Variants in NCAPG2 observed in about 807,000 individuals in gnomAD.
NCAPG2 encodes the protein non-SMC condensin II complex subunit G2.
NCAPG2 carries 53 observed loss-of-function variants against 141.1 expected under a neutral mutation model. The ratio of observed to expected loss-of-function variants is 0.38; its 90% CI spans 0.30 to 0.47. The LOEUF (loss-of-function observed/expected upper bound fraction) is 0.47. Ranked by LOEUF, NCAPG2 falls within the 20% of genes least tolerant of loss-of-function variation. The pLI, the probability that NCAPG2 is intolerant of heterozygous loss-of-function variation, is 0.99. For missense variants in NCAPG2, 1,087 were observed against 1,389.0 expected (o/e 0.78, Z 3.46); for synonymous variants, 499 against 490.7 (o/e 1.02, Z -0.22).
At chr7:158,639,148 C>T (rs1830474420) in intron 27 of NCAPG2, among the ~76,000 whole-genome samples, 1 of 151,964 alleles carries the variant, frequency 6.6e-6, no homozygotes, top group Non-Finnish European at 1.5e-5. Flanking sequence ...CACTCTGTCA[C>T]CCAGGCTGGA....
At chr7:158,648,887 GCAAATGGACTATAACCACGC>G (rs1419632879) in intron 24 of NCAPG2, among the ~76,000 whole-genome samples, 10,233 of 47,658 alleles carry the variant, frequency 0.21, 2,044 homozygotes, top group East Asian at 0.38. Context: ...TATAACCACG[GCAAATGGACTATAACCACGC>G]CAAATGGACT....
intron 13 of NCAPG2, among the ~76,000 whole-genome samples, chr7:158,666,366 C>G (rs562588357): frequency 5.6e-4 from 85 of 152,168 alleles, no homozygotes; most frequent in African/African-American, 2.0e-3. Flanking sequence ...AGCGGGCCTG[C>G]AGGTGACAGT....
At chr7:158,666,910 A>T (rs147920501) in intron 13 of NCAPG2, among the ~76,000 whole-genome samples, 1,787 of 152,272 alleles carry the variant, frequency 0.012, 15 homozygotes, top group Middle Eastern at 0.031. Context: ...CAATCCTTCT[A>T]GAGCTGCATG....
chr7:158,653,523 C>T (rs1192764360), intron 22 of NCAPG2, among the ~76,000 whole-genome samples: 1 of 152,028 alleles, frequency 6.6e-6, no homozygotes, highest in Non-Finnish European at 1.5e-5. Flanking sequence ...AGACACTGCC[C>T]AGTATCCTGG....
At chr7:158,670,190 CTT>C (rs1293529014) in intron 13 of NCAPG2, among the ~76,000 whole-genome samples, 1 of 152,196 alleles carries the variant, frequency 6.6e-6, no homozygotes. Context: ...TCAAAATATC[CTT>C]TGTTTTCTTC....
At chr7:158,701,216 T>C (rs534077601) in intron 2 of NCAPG2, among the ~76,000 whole-genome samples, 23 of 152,338 alleles carry the variant, frequency 1.5e-4, no homozygotes, top group Admixed American at 6.5e-5. Context: ...CAGCTTCCCA[T>C]TTCCAGTTCC....
chr7:158,687,617 C>G (rs191860214), intron 6 of NCAPG2, among the ~76,000 whole-genome samples, 175 bp from the exon 7 acceptor site: 27 of 152,322 alleles, frequency 1.8e-4, no homozygotes, highest in South Asian at 6.2e-4. Flanking sequence ...CCTGCACAGC[C>G]AGGAGCCACA....
At chr7:158,647,006 C>CA (rs750034102) in intron 24 of NCAPG2, among the ~76,000 whole-genome samples, 7 of 145,728 alleles carry the variant, frequency 4.8e-5, no homozygotes, top group Non-Finnish European at 7.5e-5. Context: ...GCCTGGGTGA[C>CA]AGAGCGACAT....
chr7:158,695,598 G>T (rs1835394117), intron 2 of NCAPG2, among the ~76,000 whole-genome samples: 1 of 152,238 alleles, frequency 6.6e-6, no homozygotes, highest in Non-Finnish European at 1.5e-5. Flanking sequence ...GGGCACTGAA[G>T]AGCTGGCTGG....
intron 22 of NCAPG2, 32 bp downstream of exon 22, chr7:158,654,563 T>C: frequency 6.2e-7 from 1 of 1,601,088 alleles, no homozygotes; most frequent in Non-Finnish European, 8.5e-7. Context: ...TGGTTCTGAG[T>C]ATTTATTGCT....
chr7:158,686,547 T>A (rs1038082436), intron 7 of NCAPG2, among the ~76,000 whole-genome samples: 13 of 152,198 alleles, frequency 8.5e-5, no homozygotes, highest in Non-Finnish European at 1.6e-4. Flanking sequence ...GTCAAAAATA[T>A]TTAAATATAA....
At chr7:158,644,699 G>A (rs2129457328) in intron 26 of NCAPG2, among the ~76,000 whole-genome samples, 1 of 152,332 alleles carries the variant, frequency 6.6e-6, no homozygotes, top group African/African-American at 2.4e-5. Flanking sequence ...ATCGCAGGTA[G>A]TTAAGGATGT....
At chr7:158,680,876 A>G (rs1834412583) in intron 9 of NCAPG2, 60 bp from the exon 10 acceptor site, 1 of 1,298,166 alleles carries the variant, frequency 7.7e-7, no homozygotes. Flanking sequence ...ATAAAATAAA[A>G]TGGCATTTGG....
chr7:158,656,930 A>G (rs1259397225), intron 17 of NCAPG2, among the ~76,000 whole-genome samples: 1 of 152,222 alleles, frequency 6.6e-6, no homozygotes, highest in Non-Finnish European at 1.5e-5. Flanking sequence ...ACACTGAAGA[A>G]GCAGGGCACA....
chr7:158,677,520 T>C (rs1044481200), intron 11 of NCAPG2, among the ~76,000 whole-genome samples: 1 of 9,054 alleles, frequency 1.1e-4, no homozygotes, highest in African/African-American at 6.6e-4. Context: ...ATGATAAAAA[T>C]AAAGCAAAAA....
intron 13 of NCAPG2, among the ~76,000 whole-genome samples, chr7:158,669,489 G>A (rs931334701): frequency 2.0e-5 from 3 of 151,980 alleles, no homozygotes; most frequent in Non-Finnish European, 2.9e-5. Flanking sequence ...TTGGCCGGGC[G>A]CAGTGGCTCA....
At chr7:158,674,280 AAAAAAAAATTTTTTTT>A (rs1833922576) in intron 12 of NCAPG2, among the ~76,000 whole-genome samples, 1 of 70,086 alleles carries the variant, frequency 1.4e-5, no homozygotes, top group South Asian at 6.7e-4. Flanking sequence ...ATGCACAGAA[AAAAAAAAATTTTTTTT>A]TTTTTTTTGA....
intron 13 of NCAPG2, chr7:158,667,115 G>T: frequency 1.0e-6 from 1 of 982,000 alleles, no homozygotes. Flanking sequence ...AGGGAAATTA[G>T]CTTGCATGCT....
chr7:158,635,277 T>C (rs984208117), intron 27 of NCAPG2, among the ~76,000 whole-genome samples: 3 of 152,130 alleles, frequency 2.0e-5, no homozygotes, highest in Non-Finnish European at 2.9e-5. Flanking sequence ...AAAAAGACTG[T>C]TAAAATTAAA....
Sources: allele counts gnomAD v4.1 joint callset (sites outside exome capture counted in the v4.1 genomes callset), GRCh38; gene constraint gnomAD v4.1.1; transcripts MANE v1.5; gene names NCBI Gene and HGNC (gene_info 2026-07-23, HGNC 2026-07-21).